The following GRID2 variants were observed in gnomAD, a reference collection of about 807,000 sequenced individuals.
GRID2 encodes the protein glutamate ionotropic receptor delta type subunit 2, also known as glutamate receptor ionotropic, delta-2.
Under a neutral mutation model 114.8 loss-of-function variants are expected in GRID2, and 33 were observed. The ratio of observed to expected loss-of-function variants is 0.29; its 90% confidence interval spans 0.22 to 0.38. GRID2 has a LOEUF of 0.38. Among genes scored for constraint, GRID2 ranks in the 10% least tolerant of loss-of-function variants. GRID2 has a pLI of 1.00. For synonymous variants in GRID2, 505 were observed against 449.9 expected (o/e 1.12, Z -1.55); for missense variants, 1,184 against 1,257.7 (o/e 0.94, Z 0.89).
In GRID2 at chr4:92,743,140, G is replaced by A. The variant is rs530234479; in HGVS notation, c.244+152854G>A. On this transcript the variant is annotated intron_variant, in intron 2 of 15. Coordinates refer to ENST00000282020, the MANE Select transcript of GRID2 (RefSeq NM_001510.4). Reference sequence around the variant, plus strand: ...AAACATACAAAAATTACCCTGGTATGATAGTGTTTTCATGTAGTCCCAGCT... The same window carrying A: ...AAACATACAAAAATTACCCTGGTATAATAGTGTTTTCATGTAGTCCCAGCT... Among the ~76,000 whole-genome samples, 17 of 152,198 alleles carry A rather than the reference G, an allele frequency of 1.1e-4. 1 individual carries two copies. The highest frequency in any genetic ancestry group is 2.4e-4 in the Non-Finnish European group (16 of 68,008).
In GRID2 at chr4:92,482,251, T is replaced by A. The variant is rs148302860; in HGVS notation, c.89-107880T>A. ...AATATTGCATGTCCTCACTTATATG[T>A]GGGTGCTAAACTTTGAGAACACATG... On this transcript the variant is annotated intron_variant, in intron 1 of 15. Coordinates refer to ENST00000282020, the MANE Select transcript of GRID2 (RefSeq NM_001510.4). Among the ~76,000 whole-genome samples the A allele has an allele frequency of 6.7e-3, 1,022 of 151,656 alleles. 4 individuals are homozygous for A. Among genetic ancestry groups the A allele is most frequent in the Non-Finnish European group, 0.011 (723 of 67,920 alleles).
intron 14 of GRID2, among the ~76,000 whole-genome samples, chr4:93,660,537 C>G (rs970553525): frequency 6.6e-6 from 1 of 152,146 alleles, no homozygotes; most frequent in Non-Finnish European, 1.5e-5. Context: ...GAAATACTCT[C>G]TATCAAATGG....
intron 12 of GRID2, among the ~76,000 whole-genome samples, chr4:93,495,976 G>A (rs962317627): frequency 2.0e-5 from 3 of 151,708 alleles, no homozygotes; most frequent in African/African-American, 7.3e-5. Flanking sequence ...TTTAGGCTGC[G>A]TTTCACATGC....
chr4:93,428,962 G>T (rs1188533911), intron 10 of GRID2, among the ~76,000 whole-genome samples: 1 of 152,088 alleles, frequency 6.6e-6, no homozygotes, highest in Non-Finnish European at 1.5e-5. Flanking sequence ...AAAGCAAAAA[G>T]AAAAAGTAAA....
At position 92,810,257 on chromosome 4, in the gene GRID2, G is replaced by C. The variant is rs1158526521; in HGVS notation, c.244+219971G>C. Reference sequence around the variant, plus strand: ...TTTTTAGGATGCACTTTTTTTTTTTGCAAATTTCACGGAACCTATCCTTAA... The same window carrying C: ...TTTTTAGGATGCACTTTTTTTTTTTCCAAATTTCACGGAACCTATCCTTAA... On this transcript the variant is annotated intron_variant, in intron 2 of 15. Transcript: ENST00000282020. Among the ~76,000 whole-genome samples the C allele has an allele frequency of 2.8e-5, 4 of 145,412 alleles. No homozygotes were observed. The South Asian group carries it at 8.6e-4, about 31-fold the overall frequency.
intron 8 of GRID2, chr4:93,318,607 A>G (rs547374648): frequency 2.0e-4 from 31 of 152,254 alleles, no homozygotes; most frequent in African/African-American, 7.0e-4. Context: ...GATGGCAGGA[A>G]TGATCACATA....
intron 1 of GRID2, among the ~76,000 whole-genome samples, chr4:93,790,204 G>A (rs575516902): frequency 6.6e-6 from 1 of 150,742 alleles, no homozygotes; most frequent in East Asian, 2.0e-4. Context: ...CACTGCCCTA[G>A]AGAGAATTTC....
intron 1 of GRID2, among the ~76,000 whole-genome samples, chr4:93,790,907 C>T (rs1678442788): frequency 1.3e-5 from 2 of 152,280 alleles, no homozygotes; most frequent in South Asian, 4.1e-4. Flanking sequence ...CGTTTCTCAT[C>T]ATATCTGAAA....
At chr4:93,359,353 G>A (rs1761657459) in intron 8 of GRID2, among the ~76,000 whole-genome samples, 1 of 151,650 alleles carries the variant, frequency 6.6e-6, no homozygotes, top group African/African-American at 2.4e-5. Context: ...TTTCATCACA[G>A]GCATGCAATG....
intron 1 of GRID2, among the ~76,000 whole-genome samples, chr4:92,440,925 A>G (rs1733021689): frequency 6.6e-6 from 1 of 152,212 alleles, no homozygotes; most frequent in East Asian, 1.9e-4. Context: ...CGGGAAGCAG[A>G]AAGTATATGA....
intron 2 of GRID2, among the ~76,000 whole-genome samples, chr4:92,977,223 A>G (rs1346880585): frequency 1.3e-5 from 2 of 152,160 alleles, no homozygotes; most frequent in African/African-American, 2.4e-5. Flanking sequence ...TTAACAGGAG[A>G]AGTTGTGGTG....
At chr4:92,911,150 T>A (rs1748347483) in intron 2 of GRID2, among the ~76,000 whole-genome samples, 1 of 152,088 alleles carries the variant, frequency 6.6e-6, no homozygotes, top group Non-Finnish European at 1.5e-5. Flanking sequence ...AATTTTTAAC[T>A]GCCCACCATG....
rs191246573 is a variant in GRID2 at position 92,869,673 on chromosome 4, C to A, written c.245-215322C>A. ...TGACTTTCTTTTGCATTATTCACCA[C>A]CTCAACCACATTCAGCCAGAGTGTT... is the stretch of plus-strand genomic sequence containing the variant. On this transcript the variant is annotated intron_variant, in intron 2 of 15. Coordinates refer to ENST00000282020, the MANE Select transcript of GRID2 (RefSeq NM_001510.4). Among the ~76,000 whole-genome samples, 8 of 152,284 alleles carry A rather than the reference C, an allele frequency of 5.3e-5. No homozygotes were observed. The East Asian group carries it at 1.5e-3, about 29-fold the overall frequency.
At chr4:93,188,130 C>G (rs1740620452) in intron 4 of GRID2, among the ~76,000 whole-genome samples, 1 of 152,206 alleles carries the variant, frequency 6.6e-6, no homozygotes, top group Admixed American at 6.5e-5. Context: ...TGACCTCACC[C>G]CCAGAGCTTC....
intron 2 of GRID2, among the ~76,000 whole-genome samples, chr4:92,661,236 T>C (rs1239092539): frequency 2.6e-5 from 4 of 150,962 alleles, no homozygotes; most frequent in South Asian, 4.2e-4. Flanking sequence ...TCTAAGAAAA[T>C]TCTGAAATGT....
intron 15 of GRID2, among the ~76,000 whole-genome samples, chr4:93,771,809 T>G (rs2110340143): frequency 6.6e-6 from 1 of 152,302 alleles, no homozygotes; most frequent in East Asian, 1.9e-4. Context: ...ATCAACTGCT[T>G]ACATATCTTT....
intron 8 of GRID2, among the ~76,000 whole-genome samples, chr4:93,348,992 T>C (rs551416198): frequency 5.3e-5 from 8 of 152,256 alleles, no homozygotes; most frequent in Non-Finnish European, 8.8e-5. Flanking sequence ...AGCTTGGATA[T>C]TCTTCTCTCT....
chr4:92,905,538 A>G (rs943053798), intron 2 of GRID2, among the ~76,000 whole-genome samples: 3 of 152,038 alleles, frequency 2.0e-5, no homozygotes, highest in Admixed American at 6.6e-5. Context: ...AATGTTCTGG[A>G]AGTGTTCATA....
intron 2 of GRID2, among the ~76,000 whole-genome samples, chr4:92,591,083 T>G (rs1280687995): frequency 6.6e-6 from 1 of 152,098 alleles, no homozygotes; most frequent in Admixed American, 6.6e-5. Context: ...CTGCATAGGT[T>G]GAAACTGAAT....
Sources: gnomAD v4.1 joint callset for allele counts (sites outside exome capture counted in the v4.1 genomes callset) on GRCh38, gnomAD v4.1.1 for gene constraint, MANE v1.5 for transcripts, NCBI Gene and HGNC (gene_info 2026-07-23, HGNC 2026-07-21) for gene names.